ORC2: variants seen among roughly 807,000 people sequenced by gnomAD.
The protein encoded by ORC2 is origin recognition complex protein 2 homolog.
In ORC2, 37 loss-of-function variants were observed where a neutral mutation model predicts 77.7. The observed-to-expected ratio is 0.48, with a 90% CI of 0.37 to 0.63. ORC2 has a LOEUF of 0.63. Ranked by LOEUF, ORC2 falls within the 20% of genes least tolerant of loss-of-function variation. ORC2 has a pLI of 0.00. For synonymous variants in ORC2, 201 were observed against 229.5 expected (o/e 0.88, Z 1.12); for missense variants, 557 against 661.9 (o/e 0.84, Z 1.74).
chr2:200,941,335 G>A (rs983951161), intron 6 of ORC2, 56 bp from the exon 7 acceptor site: 3 of 1,509,584 alleles, frequency 2.0e-6, no homozygotes, highest in African/African-American at 2.7e-5. Flanking sequence ...TTTTCATTGT[G>A]GTCTAGTTTC....
intron 13 of ORC2, among the ~76,000 whole-genome samples, chr2:200,922,602 T>TAGATGGGTA (rs1274504678): frequency 1.3e-5 from 2 of 150,148 alleles, no homozygotes; most frequent in Non-Finnish European, 3.0e-5. Flanking sequence ...TACTCGGGGG[T>TAGATGGGTA]AGATGGGTAA....
chr2:200,958,229 AT>A (rs2041509051), intron 2 of ORC2, 96 bp from the exon 3 acceptor site: 1 of 683,012 alleles, frequency 1.5e-6, no homozygotes, highest in Non-Finnish European at 2.6e-6. Flanking sequence ...TTTATCTAAT[AT>A]TTTTAAAGTC....
intron 11 of ORC2, among the ~76,000 whole-genome samples, chr2:200,927,938 T>C (rs2040871645): frequency 6.6e-6 from 1 of 151,708 alleles, no homozygotes; most frequent in African/African-American, 2.4e-5. Flanking sequence ...TGTGCCTGCC[T>C]TAGCCTCTCA....
At chr2:200,935,120 A>T (rs1228782953) in intron 9 of ORC2, among the ~76,000 whole-genome samples, 1 of 152,106 alleles carries the variant, frequency 6.6e-6, no homozygotes, top group Non-Finnish European at 1.5e-5. Flanking sequence ...TAGCTTATTT[A>T]AAAATTTATT....
At chr2:200,919,637 G>A (rs2040722822) in intron 15 of ORC2, among the ~76,000 whole-genome samples, 1 of 152,366 alleles carries the variant, frequency 6.6e-6, no homozygotes, top group South Asian at 2.1e-4. Flanking sequence ...GGTATTACAG[G>A]TGTAGGCCAC....
At chr2:200,946,720 A>G (rs991902376) in intron 5 of ORC2, among the ~76,000 whole-genome samples, 4 of 152,034 alleles carry the variant, frequency 2.6e-5, no homozygotes, top group Non-Finnish European at 4.4e-5. Flanking sequence ...TGTGAGTTCT[A>G]TTTCACTTTA....
In ORC2 at chr2:200,935,700, G is replaced by A; in HGVS notation, c.707C>T (p.Thr236Ile). The A allele has an allele frequency of 6.3e-7, 1 of 1,597,296 alleles. No individual in the cohort carries two copies. The highest frequency in any genetic ancestry group is 8.5e-7 in the Non-Finnish European group (1 of 1,173,094). Reference sequence around the variant, plus strand: ...GTTAAAGTCTCTCTCTTCACTTACTGTTTTATCTCTTTTCATTCTCTTAGA... The same window carrying A: ...GTTAAAGTCTCTCTCTTCACTTACTATTTTATCTCTTTTCATTCTCTTAGA... Reference protein sequence around the residue: ...TPSKRMKRDKTSDLVEEYFEA... With the variant: ...TPSKRMKRDKISDLVEEYFEA... Residue 236 changes from threonine (T) to isoleucine (I), a missense_variant and splice_region_variant, in exon 9 of 18, where the codon ACA becomes ATA. Coordinates refer to ENST00000234296, the MANE Select transcript of ORC2 (RefSeq NM_006190.5).
chr2:200,930,385 A>G (rs996644373), intron 11 of ORC2, among the ~76,000 whole-genome samples: 2 of 152,100 alleles, frequency 1.3e-5, no homozygotes, highest in African/African-American at 4.8e-5. Flanking sequence ...GAAAAAAATG[A>G]TGGGCTGGGG....
In ORC2 at chr2:200,933,884, G is replaced by A. The variant is rs754298357; in HGVS notation, c.799C>T (p.Leu267=). ...CATTCCTTGTAACATACCTGATCCA[G>A]TTTAGCTCTCTTTAGCTTCTGCAGT... ...RTLQKLKRAK[L]DQQTLRNLLS... Residue 267 remains leucine, a synonymous_variant, in exon 10 of 18, where the codon CTG becomes TTG. Transcript: ENST00000234296. 2 of 1,597,062 alleles carry A rather than the reference G, an allele frequency of 1.3e-6. No homozygotes were observed. Among genetic ancestry groups the A allele is most frequent in the East Asian group, 2.2e-5 (1 of 44,634 alleles).
intron 17 of ORC2, 61 bp from the exon 18 acceptor site, chr2:200,911,448 T>C: frequency 1.1e-6 from 1 of 872,644 alleles, no homozygotes; most frequent in Non-Finnish European, 1.8e-6. Context: ...AACTCTTCTA[T>C]TGTAGAGGCT....
In ORC2 at chr2:200,909,718, A is replaced by G. The variant is rs1235111817; in HGVS notation, c.*1583T>C. On this transcript the variant is annotated 3_prime_UTR_variant, in exon 18 of 18. Coordinates refer to ENST00000234296, the MANE Select transcript of ORC2 (RefSeq NM_006190.5). Reference sequence around the variant, plus strand: ...CATCTAAAAAAAAAAAAAAAAAAAAAAAGACTAAGCCCATGGACTTAACAT... The same window carrying G: ...CATCTAAAAAAAAAAAAAAAAAAAAGAAGACTAAGCCCATGGACTTAACAT... 6.6e-6 allele frequency: 1 copy of G among 151,320 alleles called. No homozygotes were observed. Among genetic ancestry groups the G allele is most frequent in the Non-Finnish European group, 1.5e-5 (1 of 67,836 alleles). The allele number at this position is 151,320 out of a possible 1,614,324, so 9.4% of individuals were successfully genotyped here. A position where few individuals can be genotyped will look rare whatever the true frequency, so the allele number is the denominator to read the frequency against.
Position 200,914,069 on chromosome 2 carries a change from A to C in ORC2, c.1467-77T>G, listed in dbSNP as rs925145505. 1.0e-5 allele frequency: 9 copies of C among 891,354 alleles called. No individual in the cohort carries two copies. The East Asian group carries it at 2.3e-4, about 23-fold the overall frequency. The allele number at this position is 891,354 out of a possible 1,614,324, so 55.2% of individuals were successfully genotyped here. ...GGTAACAACTAATAGTAAAATACAC[A>C]AAGAAAATGTCAAGTAGTTGGCCTA... On this transcript the variant is annotated intron_variant, in intron 15 of 17. Transcript: ENST00000234296.
In ORC2 at chr2:200,939,830, A is replaced by G. The variant is rs187507316; in HGVS notation, c.453+1418T>C. 4.7e-3 allele frequency among the ~76,000 whole-genome samples: 712 copies of G among 152,316 alleles called. 9 individuals carry two copies. Among genetic ancestry groups the G allele is most frequent in the Middle Eastern group, 0.01 (3 of 294 alleles). On this transcript the variant is annotated intron_variant, in intron 7 of 17. Transcript: ENST00000234296. Reference sequence around the variant, plus strand: ...TATCTTCTAATGGGTTATAATCTATAACTTGAGAAAGAATAATCTAAATTC... The same window carrying G: ...TATCTTCTAATGGGTTATAATCTATGACTTGAGAAAGAATAATCTAAATTC...
At chr2:200,933,226 ATTTTTTT>A (rs1196387811) in intron 10 of ORC2, among the ~76,000 whole-genome samples, 4 of 132,120 alleles carry the variant, frequency 3.0e-5, no homozygotes, top group South Asian at 4.8e-4. Flanking sequence ...ACTGTATGGT[ATTTTTTT>A]TTTTTTTTTT....
rs1156718679 is a variant in ORC2 at position 200,910,440 on chromosome 2, T to C, written c.*861A>G. On this transcript the variant is annotated 3_prime_UTR_variant, in exon 18 of 18. Transcript: ENST00000234296. ...TTACAGCCAGCCATTAATATGCTAC[T>C]CACCTGCATGTTGTTCAAGAAAAGA... The C allele has an allele frequency of 6.6e-6, 1 of 152,212 alleles. No homozygotes were observed. Among genetic ancestry groups the C allele is most frequent in the Non-Finnish European group, 1.5e-5 (1 of 68,036 alleles). 9.4% of individuals were successfully genotyped at this position (152,212 alleles called of 1,614,324 possible). A position where few individuals can be genotyped will look rare whatever the true frequency, so the allele number is the denominator to read the frequency against.
intron 6 of ORC2, among the ~76,000 whole-genome samples, chr2:200,941,582 G>A (rs16836126): frequency 0.021 from 3,118 of 151,288 alleles, 108 homozygotes; most frequent in African/African-American, 0.071. Context: ...CATCTCCACC[G>A]GAGGATTATC....
chr2:200,934,696 T>C lies in ORC2; in HGVS notation c.709-722A>G, dbSNP rs16835939. ...GTACTGTGAAAATGAGGAAATCAAC[T>C]GCAAGGTAACAAAAGAAAAAAAAGA... On this transcript the variant is annotated intron_variant, in intron 9 of 17. Coordinates refer to ENST00000234296, the MANE Select transcript of ORC2 (RefSeq NM_006190.5). Among the ~76,000 whole-genome samples, 700 of 151,686 alleles carry C rather than the reference T, an allele frequency of 4.6e-3. 4 individuals carry two copies. Among genetic ancestry groups the C allele is most frequent in the African/African-American group, 0.016 (654 of 41,344 alleles).
At chr2:200,929,565 G>T (rs2040902297) in intron 11 of ORC2, among the ~76,000 whole-genome samples, 9 of 152,150 alleles carry the variant, frequency 5.9e-5, no homozygotes, top group Admixed American at 5.9e-4. Flanking sequence ...CCAAGGCAGA[G>T]AATTGCTTGT....
chr2:200,922,988 C>A (rs950384487), intron 13 of ORC2, among the ~76,000 whole-genome samples: 1 of 152,056 alleles, frequency 6.6e-6, no homozygotes, highest in Non-Finnish European at 1.5e-5. Flanking sequence ...GAAAACAAAC[C>A]AAACAGATTT....
Sources: gnomAD v4.1 joint callset for allele counts (sites outside exome capture counted in the v4.1 genomes callset) on GRCh38, gnomAD v4.1.1 for gene constraint, MANE v1.5 for transcripts, NCBI Gene and HGNC (gene_info 2026-07-23, HGNC 2026-07-21) for gene names.